Variants in MCM9 observed in about 807,000 individuals in gnomAD.
The protein encoded by MCM9 is DNA helicase MCM9.
MCM9 carries 55 observed loss-of-function variants against 72.8 expected under a neutral mutation model. The observed-to-expected ratio is 0.76, with a 90% CI of 0.61 to 0.95. The LOEUF (loss-of-function observed/expected upper bound fraction) is 0.95, where lower values mean the gene tolerates loss of function less well. Ranked by LOEUF, MCM9 falls within the 40% of genes least tolerant of loss-of-function variation. The pLI is 0.00. For missense variants in MCM9, 1,279 were observed against 1,377.0 expected (o/e 0.93, Z 1.13); for synonymous variants, 480 against 503.4 (o/e 0.95, Z 0.62).
At chr6:118,888,336 AAT>A (rs960601056) in intron 8 of MCM9, among the ~76,000 whole-genome samples, 95 of 152,068 alleles carry the variant, frequency 6.2e-4, no homozygotes, top group African/African-American at 2.3e-3. Flanking sequence ...AATACAAAAA[AAT>A]TAGCCGGGTG....
intron 2 of MCM9, 30 bp from the exon 3 acceptor site, chr6:118,931,768 T>C (rs374206337): frequency 2.0e-6 from 3 of 1,465,508 alleles, no homozygotes; most frequent in Non-Finnish European, 2.7e-6. Context: ...TCATATTATA[T>C]ATTTGATACT....
intron 9 of MCM9, among the ~76,000 whole-genome samples, chr6:118,853,674 G>A (rs755239690): frequency 1.2e-4 from 19 of 152,112 alleles, no homozygotes; most frequent in Non-Finnish European, 2.4e-4. Flanking sequence ...GCATAGTGGT[G>A]CGTCCCCGTA....
chr6:118,880,397 A>T (rs961688020), intron 8 of MCM9, among the ~76,000 whole-genome samples: 12 of 152,230 alleles, frequency 7.9e-5, no homozygotes, highest in Non-Finnish European at 2.9e-5. Context: ...TCCACTTGTC[A>T]GGATAGTATA....
At chr6:118,880,896 C>A (rs1234502138) in intron 8 of MCM9, among the ~76,000 whole-genome samples, 1 of 152,166 alleles carries the variant, frequency 6.6e-6, no homozygotes, top group Non-Finnish European at 1.5e-5. Context: ...CGTTCCAAGA[C>A]CCCCAGTGCA....
chr6:118,820,297 G>A (rs1321768770), intron 13 of MCM9, among the ~76,000 whole-genome samples: 1 of 152,158 alleles, frequency 6.6e-6, no homozygotes, highest in Non-Finnish European at 1.5e-5. Flanking sequence ...CTTTAGCTGT[G>A]TCCCAGAGAT....
chr6:118,884,493 A>C (rs1778479115), intron 8 of MCM9, among the ~76,000 whole-genome samples: 1 of 152,156 alleles, frequency 6.6e-6, no homozygotes, highest in African/African-American at 2.4e-5. Context: ...AAAGGAAAGC[A>C]GTAAAAAAGG....
At chr6:118,908,052 G>C (rs1780291288) in intron 8 of MCM9, 1 of 153,744 alleles carries the variant, frequency 6.5e-6, no homozygotes, top group Admixed American at 6.4e-5. Flanking sequence ...TTAATTTAAG[G>C]GGCAGATTTC....
intron 9 of MCM9, among the ~76,000 whole-genome samples, chr6:118,833,998 G>C (rs1774777212): frequency 6.6e-6 from 1 of 152,048 alleles, no homozygotes; most frequent in Non-Finnish European, 1.5e-5. Context: ...TCTACATTAG[G>C]TATTTCTCCT....
In MCM9 at chr6:118,829,044, G is replaced by T. The variant is rs575498589; in HGVS notation, c.1528+4C>A. The T allele has an allele frequency of 2.6e-6, 4 of 1,549,604 alleles. No homozygotes were observed. In the South Asian group the frequency reaches 4.8e-5, roughly 18 times the overall value. The stretch of plus-strand genomic sequence containing the variant: ...TTTTGAATGCTTTGTTTGTCTTCAC[G>T]TACCTTTATTTTCTAAGATAAAGGA... On this transcript the variant is annotated splice_donor_region_variant and intron_variant, in intron 10 of 13. Transcript: ENST00000619706.
chr6:118,829,328 G>T, intron 9 of MCM9, 78 bp from the exon 10 acceptor site: 1 of 1,340,888 alleles, frequency 7.5e-7, no homozygotes, highest in Non-Finnish European at 1.0e-6. Flanking sequence ...ATAAAATGGG[G>T]CTGCTCTTGC....
At chr6:118,845,477 C>T (rs1164528078) in intron 9 of MCM9, among the ~76,000 whole-genome samples, 1 of 151,696 alleles carries the variant, frequency 6.6e-6, no homozygotes, top group Non-Finnish European at 1.5e-5. Flanking sequence ...TGTCTATGCC[C>T]AGTGTATTTT....
At chr6:118,892,613 T>C (rs924796086) in intron 8 of MCM9, among the ~76,000 whole-genome samples, 1 of 152,234 alleles carries the variant, frequency 6.6e-6, no homozygotes, top group African/African-American at 2.4e-5. Flanking sequence ...CAATTTCCAC[T>C]TTATCTGCTA....
At chr6:118,863,365 T>A (rs1562414864) in intron 8 of MCM9, among the ~76,000 whole-genome samples, 2 of 152,184 alleles carry the variant, frequency 1.3e-5, no homozygotes, top group South Asian at 4.1e-4. Flanking sequence ...GCAACCACTT[T>A]AAAAAAAGTT....
intron 4 of MCM9, among the ~76,000 whole-genome samples, chr6:118,923,122 C>T (rs1357482859): frequency 6.6e-6 from 1 of 151,498 alleles, no homozygotes; most frequent in Non-Finnish European, 1.5e-5. Flanking sequence ...CCTTGAACTG[C>T]CTATCTCTTA....
At chr6:118,907,636 C>T in intron 8 of MCM9, 2 of 1,567,976 alleles carry the variant, frequency 1.3e-6, no homozygotes, top group Non-Finnish European at 1.8e-6. Context: ...CCCTTTAGTA[C>T]AAATTAAGCT....
In MCM9 at chr6:118,815,377, GT is replaced by G; in HGVS notation, c.2878del (p.Thr960GlnfsTer9). ...CACCGGCAAGGCTGCGTCTCTTCTT[GT>G]TCTACGCTGGGAAATTTTAGGACTA... ...VHSPKISQRRTRRDAALPVKR... is the reference protein window; with the variant it reads ...VHSPKISQRRXRRDAALPVKR... On this transcript the variant is annotated frameshift_variant, in exon 14 of 14. Transcript: ENST00000619706. LOFTEE classifies it low-confidence loss of function (END_TRUNC). 4 of 1,550,538 alleles carry G rather than the reference GT, an allele frequency of 2.6e-6. No homozygotes were observed. The highest frequency in any genetic ancestry group is 2.6e-6 in the Non-Finnish European group (3 of 1,146,920).
chr6:118,926,287 C>G (rs1032149026), intron 3 of MCM9, among the ~76,000 whole-genome samples: 7 of 152,196 alleles, frequency 4.6e-5, no homozygotes, highest in Non-Finnish European at 1.0e-4. Context: ...ATAGCTTAGC[C>G]TACCTAGCCT....
At chr6:118,917,194 T>C (rs1410413716) in intron 6 of MCM9, among the ~76,000 whole-genome samples, 1 of 152,208 alleles carries the variant, frequency 6.6e-6, no homozygotes, top group Non-Finnish European at 1.5e-5. Flanking sequence ...TCTTTATTAT[T>C]GAAAATACAT....
Position 118,924,215 on chromosome 6 carries a change from A to G in MCM9, c.305-88T>C, listed in dbSNP as rs552614509. The G allele has an allele frequency of 6.6e-6, 8 of 1,217,606 alleles. No individual in the cohort carries two copies. The East Asian group carries it at 1.9e-4, about 29-fold the overall frequency. 75.4% of individuals were successfully genotyped at this position (1,217,606 alleles called of 1,614,324 possible). ...ATTCTTCTCCTATTTCCTGAAAGAT[A>G]AATTTTAATTTCAGGGGGAAAAAAA... On this transcript the variant is annotated intron_variant, in intron 3 of 13. Coordinates refer to ENST00000619706, the MANE Select transcript of MCM9 (RefSeq NM_017696.3).
Sources: gnomAD v4.1 joint callset for allele counts (sites outside exome capture counted in the v4.1 genomes callset) on GRCh38, gnomAD v4.1.1 for gene constraint, MANE v1.5 for transcripts, NCBI Gene and HGNC (gene_info 2026-07-23, HGNC 2026-07-21) for gene names.